Variants in RAB2A observed in about 807,000 individuals in gnomAD.
RAB2A encodes RAB2A, member RAS oncogene family, also known as ras-related protein Rab-2A.
In RAB2A, 7 loss-of-function variants were observed where a neutral mutation model predicts 32.5. The ratio of observed to expected loss-of-function variants is 0.22; its 90% CI spans 0.12 to 0.40. RAB2A has a LOEUF of 0.40. RAB2A is among the 10% of genes least tolerant of loss of function. RAB2A has a pLI of 1.00. For synonymous variants in RAB2A, 79 were observed against 85.2 expected (o/e 0.93, Z 0.40); for missense variants, 108 against 260.7 (o/e 0.41, Z 4.03).
intron 1 of RAB2A, among the ~76,000 whole-genome samples, chr8:60,545,516 G>A (rs2130820153): frequency 6.6e-6 from 1 of 152,222 alleles, no homozygotes; most frequent in East Asian, 1.9e-4. Context: ...GGCTCAAGCA[G>A]TCACTCCTCC....
intron 5 of RAB2A, 130 bp downstream of exon 5, chr8:60,584,945 A>G (rs1255829390): frequency 1.8e-6 from 1 of 552,194 alleles, no homozygotes; most frequent in Non-Finnish European, 3.0e-6. Context: ...CGGAAATTCT[A>G]AGGTGTTTCT....
Position 60,621,119 on chromosome 8 carries a change from G to C in RAB2A, c.*350G>C. 1 of 182,588 alleles carries C rather than the reference G, an allele frequency of 5.5e-6. No individual in the cohort carries two copies. The highest frequency in any genetic ancestry group is 1.4e-4 in the South Asian group (1 of 7,122). 11.3% of individuals were successfully genotyped at this position (182,588 alleles called of 1,614,324 possible). A position where few individuals can be genotyped will look rare whatever the true frequency, so the allele number is the denominator to read the frequency against. On this transcript the variant is annotated 3_prime_UTR_variant, in exon 8 of 8. Transcript: ENST00000262646. The stretch of plus-strand genomic sequence containing the variant: ...TGTGTAGTTAGGTTTCCCAACATCT[G>C]TGGTTACCTAATGTTTAATATTATA...
At chr8:60,601,215 T>TTCACAAGA (rs1804129292) in intron 6 of RAB2A, among the ~76,000 whole-genome samples, 1 of 151,974 alleles carries the variant, frequency 6.6e-6, no homozygotes, top group African/African-American at 2.4e-5. Context: ...ACTAGATTTT[T>TTCACAAGA]GCTCTGTATG....
Position 60,562,755 on chromosome 8 carries a change from C to T in RAB2A, c.118+3832C>T, listed in dbSNP as rs1406165688. ...GATAATGATAATTACATTGTTTTTA[C>T]TGAAAACCATTTTTTAAAGTGAAAG... On this transcript the variant is annotated intron_variant, in intron 2 of 7. Transcript: ENST00000262646. Among the ~76,000 whole-genome samples the T allele has an allele frequency of 2.6e-5, 4 of 152,152 alleles. No individual in the cohort carries two copies. The East Asian group carries it at 7.7e-4, about 29-fold the overall frequency.
intron 5 of RAB2A, among the ~76,000 whole-genome samples, chr8:60,586,707 A>G (rs1220434564): frequency 6.6e-6 from 1 of 152,084 alleles, no homozygotes; most frequent in East Asian, 1.9e-4. Flanking sequence ...ACATGAGGCA[A>G]GGAGTTCAAG....
chr8:60,596,500 C>T (rs1461790050), intron 6 of RAB2A, among the ~76,000 whole-genome samples: 1 of 152,178 alleles, frequency 6.6e-6, no homozygotes, highest in East Asian at 1.9e-4. Flanking sequence ...TGAACAGACA[C>T]TTTTCAAAAG....
chr8:60,517,623 A>T (rs964858198), intron 1 of RAB2A, among the ~76,000 whole-genome samples: 1 of 152,030 alleles, frequency 6.6e-6, no homozygotes, highest in East Asian at 1.9e-4. Flanking sequence ...CGGCCCCAGG[A>T]AAAAGAAGGA....
chr8:60,607,779 C>T (rs987680247), intron 6 of RAB2A, among the ~76,000 whole-genome samples: 1 of 152,226 alleles, frequency 6.6e-6, no homozygotes, highest in South Asian at 2.1e-4. Context: ...GGAGTCCAGT[C>T]TGTTCTATCA....
chr8:60,526,345 C>T (rs1258415654), intron 1 of RAB2A, among the ~76,000 whole-genome samples: 1 of 152,048 alleles, frequency 6.6e-6, no homozygotes, highest in African/African-American at 2.4e-5. Flanking sequence ...ATCCCTTGGC[C>T]CATGGCCCCC....
At chr8:60,526,968 CAAAAA>C (rs34685368) in intron 1 of RAB2A, among the ~76,000 whole-genome samples, 3 of 91,654 alleles carry the variant, frequency 3.3e-5, no homozygotes, top group African/African-American at 4.0e-5. Context: ...GACTCCATCT[CAAAAA>C]AAAAAAAAAA....
At chr8:60,606,010 G>A (rs1227897096) in intron 6 of RAB2A, among the ~76,000 whole-genome samples, 1 of 152,006 alleles carries the variant, frequency 6.6e-6, no homozygotes, top group Non-Finnish European at 1.5e-5. Context: ...TTAGCCGGGC[G>A]TGGTGGCTTG....
intron 7 of RAB2A, among the ~76,000 whole-genome samples, chr8:60,619,753 C>T (rs1804500610): frequency 6.6e-6 from 1 of 152,202 alleles, no homozygotes; most frequent in South Asian, 2.1e-4. Flanking sequence ...TAGCTGACTG[C>T]TTTACTGTGC....
intron 1 of RAB2A, among the ~76,000 whole-genome samples, chr8:60,517,588 G>A (rs1279898849): frequency 2.0e-5 from 3 of 152,076 alleles, no homozygotes. Flanking sequence ...CCCACCCCCA[G>A]GGCCCCTTGC....
At chr8:60,585,229 A>G (rs1168243805) in intron 5 of RAB2A, among the ~76,000 whole-genome samples, 4 of 152,212 alleles carry the variant, frequency 2.6e-5, no homozygotes, top group African/African-American at 9.7e-5. Flanking sequence ...ATTTTTGTAG[A>G]AACTTACAGT....
In RAB2A at chr8:60,551,858, T is replaced by G. The variant is rs1410575835; in HGVS notation, c.47-6994T>G. The G allele has an allele frequency of 6.7e-5, 5 of 74,164 alleles. No individual in the cohort carries two copies. The African/African-American group carries it at 9.8e-4, about 15-fold the overall frequency. 4.6% of individuals were successfully genotyped at this position (74,164 alleles called of 1,614,324 possible). A position where few individuals can be genotyped will look rare whatever the true frequency, so the allele number is the denominator to read the frequency against. The stretch of plus-strand genomic sequence containing the variant: ...ACAAGATGTGCTACCATGCCTTGAT[T>G]TTTTTTTTTTTTTTTTTTTTTTGGA... On this transcript the variant is annotated intron_variant, in intron 1 of 7. Coordinates refer to ENST00000262646, the MANE Select transcript of RAB2A (RefSeq NM_002865.3).
chr8:60,579,263 G>C (rs1241813777), intron 3 of RAB2A, among the ~76,000 whole-genome samples: 3 of 152,110 alleles, frequency 2.0e-5, no homozygotes, highest in African/African-American at 7.2e-5. Context: ...GGCTGGTCTG[G>C]AACTCCTGAC....
chr8:60,591,837 C>G, intron 5 of RAB2A, 21 bp from the exon 6 acceptor site: 1 of 1,464,202 alleles, frequency 6.8e-7, no homozygotes. Context: ...AGTAATGTGA[C>G]CCTTTCTTTC....
intron 1 of RAB2A, among the ~76,000 whole-genome samples, chr8:60,522,522 T>G (rs1411428023): frequency 6.6e-6 from 1 of 152,150 alleles, no homozygotes; most frequent in Admixed American, 6.5e-5. Context: ...ACTTTCTTTT[T>G]TAAAAAAAAA....
chr8:60,592,191 C>T (rs567221003), intron 6 of RAB2A: 8 of 311,840 alleles, frequency 2.6e-5, no homozygotes, highest in East Asian at 2.2e-4. Flanking sequence ...CATTTTTGTA[C>T]GTATTTTCAC....
Sources: gnomAD v4.1 joint callset for allele counts (sites outside exome capture counted in the v4.1 genomes callset) on GRCh38, gnomAD v4.1.1 for gene constraint, MANE v1.5 for transcripts, NCBI Gene and HGNC (gene_info 2026-07-23, HGNC 2026-07-21) for gene names.